Variants in TYRO3 observed in about 807,000 individuals in gnomAD.
TYRO3 encodes TYRO3 protein tyrosine kinase.
In TYRO3, 38 loss-of-function variants were observed where a neutral mutation model predicts 95.2. That is an observed-to-expected ratio of 0.40 (90% CI 0.31 to 0.52). The LOEUF is 0.52. Among genes scored for constraint, TYRO3 ranks in the 20% least tolerant of loss-of-function variants. The pLI is 0.56. For synonymous variants in TYRO3, 367 were observed against 432.9 expected (o/e 0.85, Z 1.89); for missense variants, 812 against 1,116.4 (o/e 0.73, Z 3.89).
Position 41,573,832 on chromosome 15 carries a change from G to C in TYRO3, c.2282+17G>C. On this transcript the variant is annotated intron_variant, in intron 18 of 18. Coordinates refer to ENST00000263798, the MANE Select transcript of TYRO3 (RefSeq NM_006293.4). ...GGAGGACGTGTGAGTATCCTGGGAA[G>C]GGGGCTCTGGAAGGAAAGGGGAATC... is the stretch of plus-strand genomic sequence containing the variant. 1.0e-6 allele frequency: 1 copy of C among 978,888 alleles called. No homozygotes were observed. Among genetic ancestry groups the C allele is most frequent in the Non-Finnish European group, 1.5e-6 (1 of 662,196 alleles). The allele number at this position is 978,888 out of a possible 1,614,324, so 60.6% of individuals were successfully genotyped here. A position where few individuals can be genotyped will look rare whatever the true frequency, so the allele number is the denominator to read the frequency against.
At chr15:41,566,653 G>C (rs2055728689) in intron 6 of TYRO3, among the ~76,000 whole-genome samples, 1 of 152,172 alleles carries the variant, frequency 6.6e-6, no homozygotes, top group Non-Finnish European at 1.5e-5. Flanking sequence ...CATTGTCCAC[G>C]CCTGTGCACA....
chr15:41,573,501 CGAGTGT>C (rs2055825595), intron 17 of TYRO3, 34 bp downstream of exon 17: 1 of 1,431,672 alleles, frequency 7.0e-7, no homozygotes, highest in African/African-American at 1.5e-5. Context: ...TTGGTGGGGA[CGAGTGT>C]GAGAGCAGAC....
In TYRO3 at chr15:41,583,316, G is replaced by C. The variant is rs1056327087; in HGVS notation, c.*5040G>C. ...CGGCCCAGTTTTTAAGTGTTGTAGAGATGGAGTCTTGCTTTGTTGCCCAGG... is the reference window on the plus strand; with the variant it reads ...CGGCCCAGTTTTTAAGTGTTGTAGACATGGAGTCTTGCTTTGTTGCCCAGG... On this transcript the variant is annotated 3_prime_UTR_variant, in exon 19 of 19. Coordinates refer to ENST00000263798, the MANE Select transcript of TYRO3 (RefSeq NM_006293.4). The C allele has an allele frequency of 3.3e-5, 5 of 152,152 alleles. No homozygotes were observed. Among genetic ancestry groups the C allele is most frequent in the African/African-American group, 1.2e-4 (5 of 41,412 alleles). 9.4% of individuals were successfully genotyped at this position (152,152 alleles called of 1,614,324 possible).
chr15:41,572,521 T>G lies in TYRO3; in HGVS notation c.1832T>G (p.Leu611Arg). Residue 611 changes from leucine to arginine, a missense_variant, in exon 15 of 19, where the codon CTG becomes CGG. Coordinates refer to ENST00000263798, the MANE Select transcript of TYRO3 (RefSeq NM_006293.4). ...TTGCCCTTCATGAAGCATGGGGACCTGCATGCCTTCCTGCTCGCCTCCCGG... is the reference window on the plus strand; with the variant it reads ...TTGCCCTTCATGAAGCATGGGGACCGGCATGCCTTCCTGCTCGCCTCCCGG... ...VILPFMKHGD[L>R]HAFLLASRIG... The G allele has an allele frequency of 6.2e-7, 1 of 1,614,226 alleles. No homozygotes were observed. Among genetic ancestry groups the G allele is most frequent in the Non-Finnish European group, 8.5e-7 (1 of 1,180,042 alleles).
Position 41,561,297 on chromosome 15 carries a change from A to G in TYRO3, c.295A>G (p.Ile99Val). The change falls in exon 2 of 19, where the codon ATC (isoleucine) becomes GTC (valine). Residue 99 changes from isoleucine (I) to valine (V), a missense_variant. By Grantham distance (29) the Ile-to-Val change is conservative. Coordinates refer to ENST00000263798, the MANE Select transcript of TYRO3 (RefSeq NM_006293.4). Reference protein sequence around the residue: ...LYIPVSEQHWIGFLSLKSVER... With the variant: ...LYIPVSEQHWVGFLSLKSVER... ...CATCCCAGTCAGCGAGCAGCACTGG[A>G]TCGGCTTCCTCAGGTGCAGGCCTGT... 4 of 1,612,468 alleles carry G rather than the reference A, an allele frequency of 2.5e-6. No homozygotes were observed. The highest frequency in any genetic ancestry group is 3.4e-6 in the Non-Finnish European group (4 of 1,178,862).
chr15:41,561,171 G>A lies in TYRO3; in HGVS notation c.169G>A (p.Gly57Arg). The change falls in exon 2 of 19, where the codon GGG becomes AGG. Residue 57 changes from glycine (G) to arginine (R), a missense_variant. Gly to Arg is a moderately radical substitution (Grantham distance 125). Transcript: ENST00000263798. ...GAPVKLTVSQ[G>R]QPVKLNCSVE... ...CCCGGTGAAGCTGACAGTGTCTCAG[G>A]GGCAGCCGGTGAAGCTCAACTGCAG... The A allele has an allele frequency of 1.2e-6, 2 of 1,614,226 alleles. No individual in the cohort carries two copies. Among genetic ancestry groups the A allele is most frequent in the Non-Finnish European group, 1.7e-6 (2 of 1,180,044 alleles).
intron 18 of TYRO3, chr15:41,577,567 T>G: frequency 5.4e-6 from 1 of 186,804 alleles, no homozygotes; most frequent in South Asian, 1.2e-4. Context: ...TGACCTCAGG[T>G]GATCTGCCTG....
At position 41,561,150 on chromosome 15, in the gene TYRO3, G is replaced by T; in HGVS notation, c.148G>T (p.Val50Leu). ...AGGTCTGAAGCTCATGGGAGCCCCGGTGAAGCTGACAGTGTCTCAGGGGCA... is the reference window on the plus strand; with the variant it reads ...AGGTCTGAAGCTCATGGGAGCCCCGTTGAAGCTGACAGTGTCTCAGGGGCA... ...AAGLKLMGAP[V>L]KLTVSQGQPV... The change falls in exon 2 of 19, where the codon GTG (valine) becomes TTG (leucine). Residue 50 changes from valine (V) to leucine (L), a missense_variant. Coordinates refer to ENST00000263798, the MANE Select transcript of TYRO3 (RefSeq NM_006293.4). The T allele has an allele frequency of 6.2e-7, 1 of 1,614,232 alleles. No homozygotes were observed. Among genetic ancestry groups the T allele is most frequent in the Non-Finnish European group, 8.5e-7 (1 of 1,180,036 alleles).
chr15:41,561,441 G>A (rs372584011), intron 2 of TYRO3, 98 bp from the exon 3 acceptor site: 1 of 1,507,196 alleles, frequency 6.6e-7, no homozygotes, highest in East Asian at 2.4e-5. Context: ...CTACCTGTGG[G>A]ACCTTCCAGA....
rs563462998 is a variant in TYRO3, at chr15:41,561,380, G to C, written c.308+70G>C. 6 of 1,585,872 alleles carry C rather than the reference G, an allele frequency of 3.8e-6. No individual in the cohort carries two copies. In the South Asian group the frequency reaches 5.7e-5, roughly 15 times the overall value. ...GGCTATGCTCTTTCCTTGGGGATTGGGAGCTGGGGCCCTCTCCTGATGCCC... is the reference window on the plus strand; with the variant it reads ...GGCTATGCTCTTTCCTTGGGGATTGCGAGCTGGGGCCCTCTCCTGATGCCC... On this transcript the variant is annotated intron_variant, in intron 2 of 18. Coordinates refer to ENST00000263798, the MANE Select transcript of TYRO3 (RefSeq NM_006293.4).
In TYRO3 at chr15:41,582,997, G is replaced by GTTTTTTTTTTGTT. The variant is rs762976631; in HGVS notation, c.*4731_*4732insGTTTTTTTTTTTT. On this transcript the variant is annotated 3_prime_UTR_variant, in exon 19 of 19. Coordinates refer to ENST00000263798, the MANE Select transcript of TYRO3 (RefSeq NM_006293.4). Reference sequence around the variant, plus strand: ...CACTGCACCTGGCAAATTTTTAAGTGTTTTTTTTTTTTTTTAATACAGAGC... The same window carrying GTTTTTTTTTTGTT: ...CACTGCACCTGGCAAATTTTTAAGTGTTTTTTTTTTGTTTTTTTTTTTTTTTTTAATACAGAGC... 1.9e-5 allele frequency: 2 copies of GTTTTTTTTTTGTT among 106,110 alleles called. No individual in the cohort carries two copies. Among genetic ancestry groups the GTTTTTTTTTTGTT allele is most frequent in the African/African-American group, 7.2e-5 (2 of 27,930 alleles). 6.6% of individuals were successfully genotyped at this position (106,110 alleles called of 1,614,324 possible).
At chr15:41,561,402 G>C in intron 2 of TYRO3, 92 bp downstream of exon 2, 2 of 1,496,472 alleles carry the variant, frequency 1.3e-6, no homozygotes, top group Non-Finnish European at 1.8e-6. Flanking sequence ...CTCTCCTGAT[G>C]CCCAGAGGTC....
At chr15:41,565,669 T>C (rs968276427) in intron 6 of TYRO3, among the ~76,000 whole-genome samples, 1 of 150,974 alleles carries the variant, frequency 6.6e-6, no homozygotes, top group Non-Finnish European at 1.5e-5. Flanking sequence ...CTTCAAGTGA[T>C]CTACCTGCCT....
At chr15:41,569,113 C>T (rs2055762456) in intron 9 of TYRO3, 91 bp downstream of exon 9, 1 of 1,461,964 alleles carries the variant, frequency 6.8e-7, no homozygotes, top group Non-Finnish European at 9.3e-7. Context: ...AGTAGCATCT[C>T]CCCTCCTAGT....
chr15:41,560,422 TGTGTGTGC>T (rs1407949481), intron 1 of TYRO3, among the ~76,000 whole-genome samples: 19 of 143,250 alleles, frequency 1.3e-4, no homozygotes, highest in Non-Finnish European at 2.3e-4. Flanking sequence ...TGTGTGTGTG[TGTGTGTGC>T]GCGCGCGCGC....
In TYRO3 at chr15:41,580,693, T is replaced by G. The variant is rs1174984133; in HGVS notation, c.*2417T>G. The G allele has an allele frequency of 6.6e-6, 1 of 150,956 alleles. No individual in the cohort carries two copies. The highest frequency in any genetic ancestry group is 2.4e-5 in the African/African-American group (1 of 41,012). The allele number at this position is 150,956 out of a possible 1,614,324, so 9.4% of individuals were successfully genotyped here. A position where few individuals can be genotyped will look rare whatever the true frequency, so the allele number is the denominator to read the frequency against. On this transcript the variant is annotated 3_prime_UTR_variant, in exon 19 of 19. Coordinates refer to ENST00000263798, the MANE Select transcript of TYRO3 (RefSeq NM_006293.4). ...TCGCCCAGGCTAGAGTGCAGTGGTG[T>G]GATCTCGGCTCACTGTAACCTCTGT...
chr15:41,562,331 C>CAAAAAAAAAAAAAAA (rs11363130), intron 3 of TYRO3: 1 of 167,214 alleles, frequency 6.0e-6, no homozygotes. Context: ...CGACCAATCT[C>CAAAAAAAAAAAAAAA]AAAAAAAAAA....
intron 15 of TYRO3, 106 bp downstream of exon 15, chr15:41,572,670 G>A (rs1414589990): frequency 7.4e-7 from 1 of 1,349,072 alleles, no homozygotes; most frequent in Non-Finnish European, 1.0e-6. Flanking sequence ...AGGGCTGATG[G>A]AGCTGGGTGG....
chr15:41,572,580 G>T lies in TYRO3; in HGVS notation c.1875+16G>T, dbSNP rs182795606. ...GAACCCCTTTGTGAGTACCTGGTGTGGGGGTGGCCAGGAGGAAACGGGTGG... is the reference window on the plus strand; with the variant it reads ...GAACCCCTTTGTGAGTACCTGGTGTTGGGGTGGCCAGGAGGAAACGGGTGG... On this transcript the variant is annotated intron_variant, in intron 15 of 18. Transcript: ENST00000263798. 5.0e-6 allele frequency: 5 copies of T among 996,484 alleles called. No homozygotes were observed. Among genetic ancestry groups the T allele is most frequent in the South Asian group, 1.4e-5 (1 of 73,406 alleles). The allele number at this position is 996,484 out of a possible 1,614,324, so 61.7% of individuals were successfully genotyped here.
Sources: gnomAD v4.1 joint callset for allele counts (sites outside exome capture counted in the v4.1 genomes callset) on GRCh38, gnomAD v4.1.1 for gene constraint, MANE v1.5 for transcripts, NCBI Gene and HGNC (gene_info 2026-07-23, HGNC 2026-07-21) for gene names.